The following FLRT2 variants were observed in gnomAD, a reference collection of about 807,000 sequenced individuals.
FLRT2 encodes the protein leucine-rich repeat transmembrane protein FLRT2.
FLRT2 carries 15 observed loss-of-function variants against 40.0 expected under a neutral mutation model. The observed-to-expected ratio is 0.38, with a 90% CI of 0.25 to 0.58. The LOEUF is 0.58. Among genes scored for constraint, FLRT2 ranks in the 20% least tolerant of loss-of-function variants. FLRT2 has a pLI of 0.71. For missense variants in FLRT2, 726 were observed against 840.0 expected, an observed-to-expected ratio of 0.86 and a Z score of 1.68; for synonymous variants, 380 against 336.8, an observed-to-expected ratio of 1.13 and a Z score of -1.41.
rs2139396904 is a variant in FLRT2, at chr14:85,640,022, G to T, written c.*16525G>T. 1.3e-5 allele frequency: 2 copies of T among 151,982 alleles called. No individual in the cohort carries two copies. The highest frequency in any genetic ancestry group is 4.2e-4 in the South Asian group (2 of 4,794). 9.4% of individuals were successfully genotyped at this position (151,982 alleles called of 1,614,324 possible). ...TGCCACCACGCCTGGCTAATATTTT[G>T]TATTTTTAGTAGAGACGAGGTTTCA... is the stretch of plus-strand genomic sequence containing the variant. On this transcript the variant is annotated 3_prime_UTR_variant, in exon 2 of 2. Coordinates refer to ENST00000330753, the MANE Select transcript of FLRT2 (RefSeq NM_013231.6).
chr14:85,588,422 T>C (rs550853875), intron 1 of FLRT2, among the ~76,000 whole-genome samples: 1 of 151,646 alleles, frequency 6.6e-6, no homozygotes, highest in Admixed American at 6.6e-5. Flanking sequence ...CTTCTAGAAA[T>C]TAAATGACTT....
chr14:85,544,808 AT>A (rs1889186374), intron 1 of FLRT2, among the ~76,000 whole-genome samples: 2 of 152,228 alleles, frequency 1.3e-5, no homozygotes. Context: ...GTAGATTGCC[AT>A]TTGATGGACA....
At position 85,643,666 on chromosome 14, in the gene FLRT2, TAC is replaced by T. The variant is rs1292568081; in HGVS notation, c.*20171_*20172del. Reference sequence around the variant, plus strand: ...CCTCAGCTTCCCAAATCGCTGGGTTTACAGGCGTGAGCCATTGCACCTGGCCA... The same window carrying T: ...CCTCAGCTTCCCAAATCGCTGGGTTTAGGCGTGAGCCATTGCACCTGGCCA... On this transcript the variant is annotated 3_prime_UTR_variant, in exon 2 of 2. Transcript: ENST00000330753. 1 of 152,274 alleles carries T rather than the reference TAC, an allele frequency of 6.6e-6. No individual in the cohort carries two copies. Among genetic ancestry groups the T allele is most frequent in the Non-Finnish European group, 1.5e-5 (1 of 68,156 alleles). The allele number at this position is 152,274 out of a possible 1,614,324, so 9.4% of individuals were successfully genotyped here. A position where few individuals can be genotyped will look rare whatever the true frequency, so the allele number is the denominator to read the frequency against.
intron 1 of FLRT2, chr14:85,560,989 T>C (rs1355266533): frequency 6.6e-6 from 1 of 152,220 alleles, no homozygotes; most frequent in Non-Finnish European, 1.5e-5. Flanking sequence ...GAAAAACGCA[T>C]GCTCCAAATT....
chr14:85,568,941 G>A (rs774510427), intron 1 of FLRT2, among the ~76,000 whole-genome samples: 6 of 149,754 alleles, frequency 4.0e-5, no homozygotes, highest in African/African-American at 7.5e-5. Context: ...CTTTTCCCTC[G>A]TCTCCCTTCT....
At chr14:85,607,694 C>G (rs1892683586) in intron 1 of FLRT2, among the ~76,000 whole-genome samples, 1 of 152,158 alleles carries the variant, frequency 6.6e-6, no homozygotes, top group Non-Finnish European at 1.5e-5. Flanking sequence ...TGAGCTGTTT[C>G]TTAATCACCT....
rs1894276752 is a variant in FLRT2 at position 85,645,546 on chromosome 14, G to A, written c.*22049G>A. On this transcript the variant is annotated 3_prime_UTR_variant, in exon 2 of 2. Coordinates refer to ENST00000330753, the MANE Select transcript of FLRT2 (RefSeq NM_013231.6). ...TGGAAACAAAGGTTTCACTAAGCAT[G>A]GATACAATTTGGATCATTGGTAATA... 6.6e-6 allele frequency: 1 copy of A among 152,030 alleles called. No individual in the cohort carries two copies. The highest frequency in any genetic ancestry group is 1.5e-5 in the Non-Finnish European group (1 of 68,006). 9.4% of individuals were successfully genotyped at this position (152,030 alleles called of 1,614,324 possible). A position where few individuals can be genotyped will look rare whatever the true frequency, so the allele number is the denominator to read the frequency against.
At position 85,621,780 on chromosome 14, in the gene FLRT2, C is replaced by G; in HGVS notation, c.266C>G (p.Ser89Trp). 1.2e-6 allele frequency: 2 copies of G among 1,614,208 alleles called. No individual in the cohort carries two copies. Among genetic ancestry groups the G allele is most frequent in the Non-Finnish European group, 1.7e-6 (2 of 1,180,038 alleles). The part of the protein sequence containing the change: ...GFPAELHNVQ[S>W]VHTVYLYGNQ... ...CCTGCAGAACTGCACAATGTACAGT[C>G]GGTGCACACGGTCTACCTGTATGGC... Residue 89 changes from serine (S) to tryptophan (W), a missense_variant, in exon 2 of 2, where the codon TCG (serine) becomes TGG (tryptophan). Ser to Trp is a radical substitution (Grantham distance 177). Around this residue, in one of 3 missense-constraint regions of FLRT2, gnomAD observed 106 missense variants for 121.2 expected, o/e 0.87. Transcript: ENST00000330753.
chr14:85,540,721 G>GT (rs5810258), intron 1 of FLRT2, among the ~76,000 whole-genome samples: 110 of 150,908 alleles, frequency 7.3e-4, no homozygotes, highest in African/African-American at 2.2e-3. Flanking sequence ...CTTTTTTAAT[G>GT]TTTTTTTTTT....
chr14:85,593,315 G>T (rs2139320611), intron 1 of FLRT2, among the ~76,000 whole-genome samples: 1 of 152,218 alleles, frequency 6.6e-6, no homozygotes, highest in Non-Finnish European at 1.5e-5. Flanking sequence ...GTCCAGTTCT[G>T]TGTGACTTTT....
rs1224442998 is a variant in FLRT2 at position 85,622,292 on chromosome 14, C to G, written c.778C>G (p.Gln260Glu). The stretch of plus-strand genomic sequence containing the variant: ...TACGCATCTGATCAGGCTCTATTTG[C>G]AGGACAACCAGATAAACCACATTCC... ...PGTHLIRLYL[Q>E]DNQINHIPLT... Residue 260 changes from glutamine to glutamate, a missense_variant, in exon 2 of 2, where the codon CAG (glutamine) becomes GAG (glutamate). By Grantham distance (29) the Gln-to-Glu change is conservative (BLOSUM62 2). Coordinates refer to ENST00000330753, the MANE Select transcript of FLRT2 (RefSeq NM_013231.6). 1.2e-6 allele frequency: 2 copies of G among 1,613,990 alleles called. No individual in the cohort carries two copies. The highest frequency in any genetic ancestry group is 3.3e-5 in the Admixed American group (2 of 59,996).
At chr14:85,620,906 A>T (rs552891017) in intron 1 of FLRT2, among the ~76,000 whole-genome samples, 2 of 152,342 alleles carry the variant, frequency 1.3e-5, no homozygotes, top group Admixed American at 1.3e-4. Flanking sequence ...TCACAATATG[A>T]TGGTTGATAG....
At chr14:85,582,465 T>G (rs949973914) in intron 1 of FLRT2, among the ~76,000 whole-genome samples, 1 of 152,150 alleles carries the variant, frequency 6.6e-6, no homozygotes, top group African/African-American at 2.4e-5. Flanking sequence ...GGTCAAGAAG[T>G]CTAGAATTAG....
chr14:85,553,960 G>A (rs1405891667), intron 1 of FLRT2, among the ~76,000 whole-genome samples: 1 of 152,090 alleles, frequency 6.6e-6, no homozygotes, highest in Non-Finnish European at 1.5e-5. Context: ...TCACTTAAAG[G>A]GTAGGGTAGA....
chr14:85,608,127 C>T (rs991212028), intron 1 of FLRT2, among the ~76,000 whole-genome samples: 1 of 152,136 alleles, frequency 6.6e-6, no homozygotes, highest in Admixed American at 6.5e-5. Context: ...TAGTCACATT[C>T]TGAGATACTG....
rs1404330546 is a variant in FLRT2, at chr14:85,622,465, T to C, written c.951T>C (p.Ser317=). The change falls in exon 2 of 2, where the codon AGT becomes AGC. Residue 317 remains serine (S), a synonymous_variant. Transcript: ENST00000330753. ...ATAACCCTTGGTTTTGTGACTGCAG[T>C]ATTAAATGGGTCACAGAATGGCTCA... ...ARNNPWFCDC[S]IKWVTEWLKY... 5 of 1,614,126 alleles carry C rather than the reference T, an allele frequency of 3.1e-6. No individual in the cohort carries two copies. Among genetic ancestry groups the C allele is most frequent in the Admixed American group, 3.3e-5 (2 of 60,024 alleles).
At chr14:85,576,139 G>C (rs1344417782) in intron 1 of FLRT2, among the ~76,000 whole-genome samples, 3 of 152,176 alleles carry the variant, frequency 2.0e-5, no homozygotes, top group Admixed American at 6.5e-5. Flanking sequence ...GAGGTAAAAT[G>C]ATCTTCCTTT....
chr14:85,620,539 G>A (rs891075888), intron 1 of FLRT2, among the ~76,000 whole-genome samples: 1 of 151,988 alleles, frequency 6.6e-6, no homozygotes, highest in Non-Finnish European at 1.5e-5. Context: ...AACTTATTCA[G>A]CTACAGCTTT....
chr14:85,544,264 A>G (rs933018038), intron 1 of FLRT2, among the ~76,000 whole-genome samples: 5 of 152,322 alleles, frequency 3.3e-5, no homozygotes, highest in African/African-American at 1.2e-4. Context: ...GGCAATTCAT[A>G]TGCCACACTG....
Sources: gnomAD v4.1 joint callset for allele counts (sites outside exome capture counted in the v4.1 genomes callset) on GRCh38, gnomAD v4.1.1 for gene constraint, gnomAD v4.1.1 regional missense constraint, MANE v1.5 for transcripts, NCBI Gene and HGNC (gene_info 2026-07-23, HGNC 2026-07-21) for gene names.